SGCZ: variants seen among roughly 807,000 people sequenced by gnomAD.
The protein encoded by SGCZ is zeta-sarcoglycan.
Under a neutral mutation model 41.3 loss-of-function variants are expected in SGCZ, and 40 were observed. The observed-to-expected ratio is 0.97, with a 90% CI of 0.75 to 1.26. The LOEUF is 1.26. Ranked by LOEUF, SGCZ falls within the 50% of genes most tolerant of loss-of-function variation. SGCZ has a pLI of 0.00. For synonymous variants in SGCZ, 206 were observed against 137.5 expected (o/e 1.50, Z -3.49); for missense variants, 552 against 369.8 (o/e 1.49, Z -4.04).
At chr8:14,391,156 G>A (rs955140400) in intron 2 of SGCZ, among the ~76,000 whole-genome samples, 1 of 152,070 alleles carries the variant, frequency 6.6e-6, no homozygotes, top group Non-Finnish European at 1.5e-5. Flanking sequence ...TCTGAAAATG[G>A]ATTGATGTAA....
chr8:15,197,702 G>C (rs1479991261), intron 1 of SGCZ, among the ~76,000 whole-genome samples: 4 of 152,218 alleles, frequency 2.6e-5, no homozygotes, highest in Middle Eastern at 3.4e-3. Flanking sequence ...CAGATTCTGA[G>C]GGCCCTGCCT....
chr8:14,433,416 G>C (rs1301502049), intron 2 of SGCZ, among the ~76,000 whole-genome samples: 1 of 152,134 alleles, frequency 6.6e-6, no homozygotes, highest in African/African-American at 2.4e-5. Context: ...CAATCATTTG[G>C]TAAGAACTAA....
intron 1 of SGCZ, among the ~76,000 whole-genome samples, chr8:14,566,902 G>T (rs537190721): frequency 6.6e-6 from 1 of 152,276 alleles, no homozygotes; most frequent in Admixed American, 6.5e-5. Context: ...CTGTGGGCTC[G>T]GCAGGCCCCA....
In SGCZ at chr8:15,208,349, TA is replaced by T. The variant is rs1395532325; in HGVS notation, c.39+29235del. Among the ~76,000 whole-genome samples the T allele has an allele frequency of 3.3e-5, 5 of 152,220 alleles. No individual in the cohort carries two copies. In the East Asian group the frequency reaches 9.6e-4, roughly 29 times the overall value. ...TATGATTTAAGACATAACATCTGAC[TA>T]ACGCATCCAAATAATATGCTGGTAA... On this transcript the variant is annotated intron_variant, in intron 1 of 7. Coordinates refer to ENST00000382080, the MANE Select transcript of SGCZ (RefSeq NM_139167.4).
In SGCZ at chr8:14,308,943, A is replaced by C. The variant is rs1312411604; in HGVS notation, c.336+15160T>G. 4.9e-5 allele frequency: 30 copies of C among 606,676 alleles called. No homozygotes were observed. The South Asian group carries it at 6.5e-4, about 13-fold the overall frequency. 37.6% of individuals were successfully genotyped at this position (606,676 alleles called of 1,614,324 possible). A position where few individuals can be genotyped will look rare whatever the true frequency, so the allele number is the denominator to read the frequency against. On this transcript the variant is annotated intron_variant, in intron 3 of 7. Coordinates refer to ENST00000382080, the MANE Select transcript of SGCZ (RefSeq NM_139167.4). The stretch of plus-strand genomic sequence containing the variant: ...GAAATCCAGTAGACTAACAAAGTGT[A>C]AGCTGATTGGCACTTCAGAGTTTCA...
intron 1 of SGCZ, among the ~76,000 whole-genome samples, chr8:14,777,451 G>C (rs571767610): frequency 3.3e-5 from 5 of 152,256 alleles, no homozygotes; most frequent in African/African-American, 1.2e-4. Context: ...CACAGTTTAA[G>C]AATATTAAAA....
intron 5 of SGCZ, among the ~76,000 whole-genome samples, chr8:14,133,979 C>T (rs1449125579): frequency 6.6e-6 from 1 of 152,114 alleles, no homozygotes; most frequent in Non-Finnish European, 1.5e-5. Flanking sequence ...ATTTTACTTC[C>T]TATTTCAAAT....
chr8:14,967,940 T>C (rs1454267092), intron 1 of SGCZ, among the ~76,000 whole-genome samples: 2 of 152,090 alleles, frequency 1.3e-5, no homozygotes, highest in Non-Finnish European at 2.9e-5. Flanking sequence ...CAAAAGCAAA[T>C]TATTTTCACA....
intron 1 of SGCZ, among the ~76,000 whole-genome samples, chr8:14,687,388 C>A (rs1808648333): frequency 6.7e-6 from 1 of 149,506 alleles, no homozygotes; most frequent in Non-Finnish European, 1.5e-5. Flanking sequence ...TGTTCCCCTT[C>A]CTGTGTCCAT....
At chr8:14,649,207 A>G (rs1807319634) in intron 1 of SGCZ, among the ~76,000 whole-genome samples, 1 of 152,174 alleles carries the variant, frequency 6.6e-6, no homozygotes, top group Admixed American at 6.6e-5. Context: ...CTAGGTACTT[A>G]TCAAACAGTA....
chr8:14,674,708 C>T (rs1242295915), intron 1 of SGCZ, among the ~76,000 whole-genome samples: 1 of 151,884 alleles, frequency 6.6e-6, no homozygotes, highest in African/African-American at 2.4e-5. Context: ...GCTCCATCCC[C>T]TTTGTATTGT....
chr8:14,232,679 G>C (rs1353554811), intron 4 of SGCZ, among the ~76,000 whole-genome samples: 2 of 151,820 alleles, frequency 1.3e-5, no homozygotes, highest in African/African-American at 4.8e-5. Context: ...GTATACATGT[G>C]CCATGCTGGT....
chr8:14,573,481 C>A (rs1804621244), intron 1 of SGCZ, among the ~76,000 whole-genome samples: 1 of 152,104 alleles, frequency 6.6e-6, no homozygotes, highest in South Asian at 2.1e-4. Context: ...AGCCACTGCG[C>A]CCGGCCGCAA....
chr8:15,107,759 T>C (rs559384512), intron 1 of SGCZ, among the ~76,000 whole-genome samples: 3 of 152,214 alleles, frequency 2.0e-5, no homozygotes, highest in East Asian at 1.9e-4. Flanking sequence ...TTGTAGAGAG[T>C]TCACTTCTGA....
At chr8:14,875,955 A>G (rs1205532006) in intron 1 of SGCZ, among the ~76,000 whole-genome samples, 2 of 152,178 alleles carry the variant, frequency 1.3e-5, no homozygotes, top group Non-Finnish European at 2.9e-5. Context: ...CTCATTCTCT[A>G]AAACAATGGG....
intron 2 of SGCZ, among the ~76,000 whole-genome samples, chr8:14,379,974 C>A (rs1448205840): frequency 6.6e-6 from 1 of 152,158 alleles, no homozygotes; most frequent in East Asian, 1.9e-4. Context: ...CTCAGGTGAT[C>A]CACCCACCTC....
intron 4 of SGCZ, among the ~76,000 whole-genome samples, chr8:14,212,296 G>C (rs765099696): frequency 9.2e-5 from 14 of 151,994 alleles, no homozygotes; most frequent in Admixed American, 3.3e-4. Context: ...TACCAGGGGA[G>C]CAACTCTCTT....
At chr8:15,203,252 T>C (rs1182405233) in intron 1 of SGCZ, among the ~76,000 whole-genome samples, 3 of 152,216 alleles carry the variant, frequency 2.0e-5, no homozygotes, top group African/African-American at 4.8e-5. Context: ...TGTAAGTAAA[T>C]TTAAATGTAA....
chr8:15,107,186 A>T (rs1806861627), intron 1 of SGCZ, among the ~76,000 whole-genome samples: 1 of 152,142 alleles, frequency 6.6e-6, no homozygotes. Flanking sequence ...AAGTTTTGTT[A>T]TCATGCTCTG....
Sources: gnomAD v4.1 joint callset for allele counts (sites outside exome capture counted in the v4.1 genomes callset) on GRCh38, gnomAD v4.1.1 for gene constraint, MANE v1.5 for transcripts, NCBI Gene and HGNC (gene_info 2026-07-23, HGNC 2026-07-21) for gene names.